Variants in MYO10 observed in about 807,000 individuals in gnomAD.
MYO10 encodes myosin X.
A neutral mutation model predicts 257.3 loss-of-function variants in MYO10; 133 were observed. The ratio of observed to expected loss-of-function variants is 0.52; its 90% CI spans 0.45 to 0.60. MYO10 has a LOEUF of 0.60. Ranked by LOEUF, MYO10 falls within the 20% of genes least tolerant of loss-of-function variation. The pLI is 0.00. For missense variants in MYO10, 2,399 were observed against 2,635.7 expected, an observed-to-expected ratio of 0.91 and a Z score of 1.97; for synonymous variants, 1,104 against 1,028.6, an observed-to-expected ratio of 1.07 and a Z score of -1.40.
intron 1 of MYO10, 93 bp from the exon 2 acceptor site, chr5:16,877,800 T>TAA (rs557157655): frequency 2.2e-6 from 2 of 892,200 alleles, no homozygotes; most frequent in African/African-American, 1.7e-5. Flanking sequence ...TATATTCCTT[T>TAA]AAAAAAAATC....
At chr5:16,818,668 G>C (rs1450614884) in intron 2 of MYO10, among the ~76,000 whole-genome samples, 2 of 151,518 alleles carry the variant, frequency 1.3e-5, no homozygotes, top group African/African-American at 4.9e-5. Flanking sequence ...AAACCCCTGG[G>C]CTCAAGCAAT....
At chr5:16,865,537 A>C (rs554983430) in intron 2 of MYO10, among the ~76,000 whole-genome samples, 4 of 152,340 alleles carry the variant, frequency 2.6e-5, no homozygotes, top group Non-Finnish European at 1.5e-5. Flanking sequence ...CAGTTTAAAA[A>C]TAAATTACAA....
chr5:16,874,832 G>C (rs1023742774), intron 2 of MYO10, among the ~76,000 whole-genome samples: 1 of 152,090 alleles, frequency 6.6e-6, no homozygotes, highest in African/African-American at 2.4e-5. Flanking sequence ...AAGTATCCAT[G>C]CCTGGTACCA....
chr5:16,869,417 C>A (rs1005980100), intron 2 of MYO10, among the ~76,000 whole-genome samples: 6 of 151,876 alleles, frequency 4.0e-5, no homozygotes, highest in African/African-American at 1.5e-4. Context: ...TAAGACGCCA[C>A]CTCCAGAAAA....
At chr5:16,904,219 G>C (rs544273948) in intron 1 of MYO10, among the ~76,000 whole-genome samples, 1 of 152,238 alleles carries the variant, frequency 6.6e-6, no homozygotes, top group South Asian at 2.1e-4. Context: ...CACACCTAGG[G>C]AGAGCACAGA....
intron 2 of MYO10, among the ~76,000 whole-genome samples, chr5:16,853,776 G>C (rs976779069): frequency 6.6e-6 from 1 of 152,164 alleles, no homozygotes; most frequent in East Asian, 1.9e-4. Flanking sequence ...CACAGTGGGA[G>C]AGAAGAGCGG....
At chr5:16,930,406 G>A (rs537910232) in intron 1 of MYO10, among the ~76,000 whole-genome samples, 1 of 152,302 alleles carries the variant, frequency 6.6e-6, no homozygotes, top group East Asian at 1.9e-4. Flanking sequence ...ACTGAGGAAT[G>A]TGGACTTAAT....
intron 1 of MYO10, among the ~76,000 whole-genome samples, chr5:16,884,673 T>C (rs1744845953): frequency 6.6e-6 from 1 of 151,696 alleles, no homozygotes; most frequent in African/African-American, 2.4e-5. Context: ...TTTTTTTTCC[T>C]TCTGTTGGAA....
intron 1 of MYO10, among the ~76,000 whole-genome samples, chr5:16,910,866 G>T (rs1745639987): frequency 6.6e-6 from 1 of 152,104 alleles, no homozygotes; most frequent in Admixed American, 6.6e-5. Flanking sequence ...AGTCTATGGG[G>T]AAAGGGACTC....
Position 16,711,022 on chromosome 5 carries a change from C to A in MYO10, c.2055G>T (p.Arg685Ser), listed in dbSNP as rs1259251410. Residue 685 changes from arginine (R) to serine (S), a missense_variant and splice_region_variant, in exon 21 of 41, where the codon AGG (arginine) becomes AGT (serine). Transcript: ENST00000513610. ...CCAGATTCCTCATCAGCACTTTATACCTGCAACGTGAAGACACACAGGGTC... is the reference window on the plus strand; with the variant it reads ...CCAGATTCCTCATCAGCACTTTATAACTGCAACGTGAAGACACACAGGGTC... ...VRRPFQDFYK[R>S]YKVLMRNLAL... The A allele has an allele frequency of 6.2e-7, 1 of 1,613,980 alleles. No individual in the cohort carries two copies. The highest frequency in any genetic ancestry group is 8.5e-7 in the Non-Finnish European group (1 of 1,179,868).
chr5:16,727,416 T>G (rs1195244014), intron 19 of MYO10, among the ~76,000 whole-genome samples: 1 of 152,210 alleles, frequency 6.6e-6, no homozygotes, highest in African/African-American at 2.4e-5. Flanking sequence ...TATTTTGATA[T>G]AAGGCTTGCA....
chr5:16,704,914 A>G (rs1233695182), intron 21 of MYO10, among the ~76,000 whole-genome samples: 1 of 152,250 alleles, frequency 6.6e-6, no homozygotes, highest in Admixed American at 6.5e-5. Flanking sequence ...AATGCTGCAT[A>G]CAAATACAAG....
chr5:16,794,489 G>A (rs1041804343), intron 4 of MYO10, among the ~76,000 whole-genome samples, 157 bp downstream of exon 4: 1 of 151,970 alleles, frequency 6.6e-6, no homozygotes, highest in Non-Finnish European at 1.5e-5. Flanking sequence ...TCTGAAAGCT[G>A]AAGTTACCAT....
chr5:16,811,698 C>T (rs959005083), intron 3 of MYO10, among the ~76,000 whole-genome samples: 7 of 152,274 alleles, frequency 4.6e-5, no homozygotes, highest in Admixed American at 2.6e-4. Flanking sequence ...TACAGGGGCA[C>T]GCCACCACGG....
chr5:16,829,092 G>A (rs999577761), intron 2 of MYO10, among the ~76,000 whole-genome samples: 6 of 152,162 alleles, frequency 3.9e-5, no homozygotes, highest in African/African-American at 1.4e-4. Context: ...GGCTGTTATG[G>A]TAGAAATGCC....
At position 16,783,438 on chromosome 5, in the gene MYO10, T is replaced by A; in HGVS notation, c.499A>T (p.Thr167Ser). 1.2e-6 allele frequency: 2 copies of A among 1,611,390 alleles called. No individual in the cohort carries two copies. Among genetic ancestry groups the A allele is most frequent in the Non-Finnish European group, 1.7e-6 (2 of 1,178,970 alleles). The part of the protein sequence containing the change: ...GESGAGKTES[T>S]KLILKFLSVI... ...GACAGAAACTTGAGGATCAATTTAG[T>A]GCTTTCGGTTTTACCTGCCCCACTT... Residue 167 changes from threonine to serine, a missense_variant, in exon 5 of 41, where the codon ACT becomes TCT. This residue lies in a region of MYO10 where 242 missense variants were observed against 249.5 expected (regional missense o/e 0.97). Coordinates refer to ENST00000513610, the MANE Select transcript of MYO10 (RefSeq NM_012334.3).
chr5:16,846,592 C>T (rs1234182738), intron 2 of MYO10, among the ~76,000 whole-genome samples: 3 of 152,188 alleles, frequency 2.0e-5, no homozygotes, highest in East Asian at 1.9e-4. Flanking sequence ...AGGGTGGCCA[C>T]AAACAGGTCC....
intron 1 of MYO10, among the ~76,000 whole-genome samples, chr5:16,894,835 G>A (rs1427895141): frequency 2.0e-5 from 3 of 152,146 alleles, no homozygotes; most frequent in South Asian, 2.1e-4. Flanking sequence ...AAGCCCCCAC[G>A]GAGTAGAGGG....
At chr5:16,752,848 C>T (rs1019709860) in intron 19 of MYO10, among the ~76,000 whole-genome samples, 5 of 152,182 alleles carry the variant, frequency 3.3e-5, no homozygotes, top group African/African-American at 9.7e-5. Context: ...TAATTTCCTA[C>T]ACTATGTCCC....
Sources: gnomAD v4.1 joint callset for allele counts (sites outside exome capture counted in the v4.1 genomes callset) on GRCh38, gnomAD v4.1.1 for gene constraint, gnomAD v4.1.1 regional missense constraint, MANE v1.5 for transcripts, NCBI Gene and HGNC (gene_info 2026-07-23, HGNC 2026-07-21) for gene names.